Variants in PABPC4L observed in about 807,000 individuals in gnomAD.
PABPC4L encodes the protein polyadenylate-binding protein 4-like.
For missense variants in PABPC4L, 452 were observed against 451.4 expected (o/e 1.00, Z -0.01); for synonymous variants, 169 against 164.1 (o/e 1.03, Z -0.23).
chr4:134,052,937 T>C, the PABPC4L span, among the ~76,000 whole-genome samples: 1 of 152,144 alleles, frequency 6.6e-6, no homozygotes, highest in Non-Finnish European at 1.5e-5. Context: ...ACATAGTAAT[T>C]AGGTATTTTA....
chr4:133,987,472 C>T, the PABPC4L span, among the ~76,000 whole-genome samples: 8 of 152,276 alleles, frequency 5.3e-5, no homozygotes, highest in African/African-American at 1.9e-4. Flanking sequence ...GTTAATACTA[C>T]ATGTCTATTT....
the PABPC4L span, among the ~76,000 whole-genome samples, chr4:134,070,995 C>T: frequency 6.6e-6 from 1 of 152,304 alleles, no homozygotes; most frequent in South Asian, 2.1e-4. Flanking sequence ...TGCTCCACTG[C>T]AGATGTTCCC....
the PABPC4L span, among the ~76,000 whole-genome samples, chr4:134,097,428 C>T: frequency 6.6e-6 from 1 of 151,796 alleles, no homozygotes; most frequent in Non-Finnish European, 1.5e-5. Flanking sequence ...ATATTTTACC[C>T]TTCGCAGACC....
the PABPC4L span, among the ~76,000 whole-genome samples, chr4:134,038,979 T>A: frequency 6.6e-6 from 1 of 152,170 alleles, no homozygotes; most frequent in Non-Finnish European, 1.5e-5. Context: ...AATTTCCCTC[T>A]ACATATTGCT....
At chr4:134,116,680 C>T in the PABPC4L span, among the ~76,000 whole-genome samples, 1 of 151,586 alleles carries the variant, frequency 6.6e-6, no homozygotes, top group South Asian at 2.1e-4. Context: ...AATAATATTA[C>T]ATTATTAACA....
the PABPC4L span, among the ~76,000 whole-genome samples, chr4:134,054,875 G>T: frequency 6.6e-6 from 1 of 151,804 alleles, no homozygotes; most frequent in Non-Finnish European, 1.5e-5. Flanking sequence ...TCATTTCTTT[G>T]GGGAAAATGT....
chr4:134,008,288 A>G, the PABPC4L span, among the ~76,000 whole-genome samples: 8 of 151,836 alleles, frequency 5.3e-5, no homozygotes, highest in Admixed American at 3.3e-4. Context: ...TCAAAGCACA[A>G]TATATTTGGC....
chr4:134,026,511 TGTA>T, the PABPC4L span, among the ~76,000 whole-genome samples: 6 of 152,094 alleles, frequency 3.9e-5, no homozygotes, highest in Non-Finnish European at 7.4e-5. Flanking sequence ...AATATAAAAA[TGTA>T]GTAGTTAATA....
the PABPC4L span, among the ~76,000 whole-genome samples, chr4:134,187,327 A>AC: frequency 6.6e-6 from 1 of 152,034 alleles, no homozygotes; most frequent in East Asian, 1.9e-4. Context: ...GATTAAGAAA[A>AC]TTTGGCACAT....
chr4:134,106,143 A>AAC, the PABPC4L span, among the ~76,000 whole-genome samples: 4 of 151,596 alleles, frequency 2.6e-5, no homozygotes, highest in African/African-American at 9.7e-5. Flanking sequence ...GTGATTTGTC[A>AAC]ACCTGTAATT....
chr4:134,150,394 C>T, the PABPC4L span, among the ~76,000 whole-genome samples: 1 of 151,978 alleles, frequency 6.6e-6, no homozygotes, highest in Non-Finnish European at 1.5e-5. Flanking sequence ...TATTATATGG[C>T]ATTTTTAGCA....
the PABPC4L span, among the ~76,000 whole-genome samples, chr4:133,971,117 T>G: frequency 7.3e-6 from 1 of 136,536 alleles, no homozygotes; most frequent in Non-Finnish European, 1.6e-5. Context: ...TTTTTTTTTT[T>G]TTTTTTTTTT....
chr4:134,182,649 A>G, the PABPC4L span, among the ~76,000 whole-genome samples: 1 of 151,864 alleles, frequency 6.6e-6, no homozygotes. Context: ...GAAACTATCA[A>G]CAGAATAACA....
chr4:134,033,933 C>A, the PABPC4L span, among the ~76,000 whole-genome samples: 7 of 151,944 alleles, frequency 4.6e-5, no homozygotes, highest in African/African-American at 1.7e-4. Flanking sequence ...AAGGTGGCTA[C>A]ACTAAACAAT....
chr4:134,045,543 T>G, the PABPC4L span, among the ~76,000 whole-genome samples: 1 of 152,118 alleles, frequency 6.6e-6, no homozygotes, highest in African/African-American at 2.4e-5. Context: ...AGGGCAGACA[T>G]AGTATGAAAC....
At chr4:134,081,322 A>G in the PABPC4L span, among the ~76,000 whole-genome samples, 1 of 152,150 alleles carries the variant, frequency 6.6e-6, no homozygotes, top group African/African-American at 2.4e-5. Context: ...GAGTGCCCCA[A>G]ATTAGCCAAG....
At chr4:134,053,943 C>T in the PABPC4L span, among the ~76,000 whole-genome samples, 1 of 151,384 alleles carries the variant, frequency 6.6e-6, no homozygotes, top group Non-Finnish European at 1.5e-5. Flanking sequence ...TGATGATATC[C>T]ACACAAAGAA....
the PABPC4L span, among the ~76,000 whole-genome samples, chr4:133,956,628 A>T: frequency 1.6e-4 from 25 of 152,298 alleles, no homozygotes; most frequent in African/African-American, 5.5e-4. Context: ...AGGAACAGCC[A>T]TATCTCTGAA....
the PABPC4L span, among the ~76,000 whole-genome samples, chr4:134,001,075 C>T: frequency 2.0e-5 from 3 of 151,950 alleles, no homozygotes; most frequent in Non-Finnish European, 2.9e-5. Flanking sequence ...AGAGAGGTTA[C>T]GTAACGTTTT....
Sources: gnomAD v4.1 joint callset for allele counts (sites outside exome capture counted in the v4.1 genomes callset) on GRCh38, gnomAD v4.1.1 for gene constraint, MANE v1.5 for transcripts, NCBI Gene and HGNC (gene_info 2026-07-23, HGNC 2026-07-21) for gene names.